L3MBTL4: variants seen among roughly 807,000 people sequenced by gnomAD.
L3MBTL4 encodes the protein lethal(3)malignant brain tumor-like protein 4.
Under a neutral mutation model 84.5 loss-of-function variants are expected in L3MBTL4, and 70 were observed. The ratio of observed to expected loss-of-function variants is 0.83; its 90% CI spans 0.68 to 1.01. L3MBTL4 has a LOEUF of 1.01. Among genes scored for constraint, L3MBTL4 ranks in the 50% least tolerant of loss-of-function variants. The pLI, the probability that L3MBTL4 is intolerant of heterozygous loss-of-function variation, is 0.00. For missense variants in L3MBTL4, 715 were observed against 754.8 expected (o/e 0.95, Z 0.62); for synonymous variants, 274 against 259.8 (o/e 1.05, Z -0.52).
intron 14 of L3MBTL4, among the ~76,000 whole-genome samples, chr18:6,095,328 C>T (rs2058596191): frequency 6.7e-6 from 1 of 148,378 alleles, no homozygotes; most frequent in African/African-American, 2.5e-5. Flanking sequence ...ACTAATCAGG[C>T]TGAAGAAGGG....
At chr18:6,221,312 G>A (rs1471303509) in intron 10 of L3MBTL4, among the ~76,000 whole-genome samples, 1 of 149,722 alleles carries the variant, frequency 6.7e-6, no homozygotes, top group African/African-American at 2.6e-5. Context: ...TGTATGACAA[G>A]CAGGTTTTAA....
At chr18:6,026,637 G>A (rs1044974837) in intron 16 of L3MBTL4, among the ~76,000 whole-genome samples, 6 of 152,188 alleles carry the variant, frequency 3.9e-5, no homozygotes, top group Non-Finnish European at 7.3e-5. Flanking sequence ...AAAATGTCAC[G>A]TGAGGATCAG....
intron 5 of L3MBTL4, among the ~76,000 whole-genome samples, chr18:6,262,453 C>A (rs965288398): frequency 9.2e-5 from 14 of 152,186 alleles, no homozygotes; most frequent in Non-Finnish European, 2.9e-5. Flanking sequence ...ATGGAAGAAA[C>A]CCCCTAAGTC....
rs750316079 is a variant in L3MBTL4 at position 6,215,724 on chromosome 18, A to G, written c.870+26T>C. On this transcript the variant is annotated intron_variant, in intron 11 of 18. Coordinates refer to ENST00000317931, the MANE Select transcript of L3MBTL4 (RefSeq NM_001330559.2). ...TCAATACAAACGTTGTTTAAAGGTG[A>G]GAGTTTGTACCCACATAGAACTTAC... 4 of 1,371,680 alleles carry G rather than the reference A, an allele frequency of 2.9e-6. No homozygotes were observed. In the South Asian group the frequency reaches 5.4e-5, roughly 18 times the overall value. 85.0% of individuals were successfully genotyped at this position (1,371,680 alleles called of 1,614,324 possible). A position where few individuals can be genotyped will look rare whatever the true frequency, so the allele number is the denominator to read the frequency against.
chr18:6,393,346 C>T (rs1289902022), intron 1 of L3MBTL4, among the ~76,000 whole-genome samples: 1 of 152,172 alleles, frequency 6.6e-6, no homozygotes, highest in Non-Finnish European at 1.5e-5. Flanking sequence ...TGAGTCCAGG[C>T]TCCTGGATTG....
intron 1 of L3MBTL4, among the ~76,000 whole-genome samples, chr18:6,354,019 C>T (rs1232669673): frequency 1.3e-5 from 2 of 152,096 alleles, no homozygotes; most frequent in African/African-American, 4.8e-5. Context: ...ATCATGTTAC[C>T]TGACTGCAAA....
chr18:6,331,508 G>A (rs1456329028), intron 1 of L3MBTL4, among the ~76,000 whole-genome samples: 1 of 152,158 alleles, frequency 6.6e-6, no homozygotes, highest in East Asian at 1.9e-4. Flanking sequence ...TAAGTTCTTG[G>A]ACTAAAACTA....
chr18:6,276,654 TAA>T (rs60947386), intron 4 of L3MBTL4, among the ~76,000 whole-genome samples: 3,446 of 125,108 alleles, frequency 0.028, 90 homozygotes, highest in African/African-American at 0.073. Context: ...AACAAAGCAT[TAA>T]AAAAAAAAAA....
At chr18:6,016,407 CA>C (rs1172774533) in intron 16 of L3MBTL4, among the ~76,000 whole-genome samples, 18 of 152,168 alleles carry the variant, frequency 1.2e-4, no homozygotes, top group Non-Finnish European at 1.5e-5. Flanking sequence ...TCTCTGAAAG[CA>C]ATCTGCAGGT....
At chr18:6,088,911 C>T (rs147174103) in intron 15 of L3MBTL4, among the ~76,000 whole-genome samples, 5 of 151,950 alleles carry the variant, frequency 3.3e-5, no homozygotes, top group Admixed American at 1.3e-4. Flanking sequence ...TCAAAAAGTG[C>T]GTGAAATTTA....
At chr18:5,977,345 A>T (rs1270605480) in intron 16 of L3MBTL4, among the ~76,000 whole-genome samples, 1 of 152,124 alleles carries the variant, frequency 6.6e-6, no homozygotes, top group Non-Finnish European at 1.5e-5. Flanking sequence ...TCACCTCTGC[A>T]CATCTCTGTC....
chr18:6,372,127 C>A (rs905238445), intron 1 of L3MBTL4, among the ~76,000 whole-genome samples: 14 of 152,206 alleles, frequency 9.2e-5, no homozygotes, highest in African/African-American at 3.4e-4. Context: ...GAGTTAACTT[C>A]TTTCCTCCTT....
chr18:6,194,412 C>A (rs1483404810), intron 12 of L3MBTL4, among the ~76,000 whole-genome samples: 1 of 152,166 alleles, frequency 6.6e-6, no homozygotes, highest in Non-Finnish European at 1.5e-5. Flanking sequence ...CTAAATGCCA[C>A]CATCACAGCC....
rs879320759 is a variant in L3MBTL4, at chr18:6,071,803, A to AAG, written c.1444+9077_1444+9078insCT. 3.6e-3 allele frequency among the ~76,000 whole-genome samples: 435 copies of AAG among 119,390 alleles called. 5 individuals carry two copies. The highest frequency in any genetic ancestry group is 8.4e-3 in the Admixed American group (101 of 11,992). 78.3% of individuals were successfully genotyped at this position (119,390 alleles called of 152,430 possible). On this transcript the variant is annotated intron_variant, in intron 16 of 18. Transcript: ENST00000317931. ...AAAGAAAGAAAGAAAGAAAGAAAGA[A>AAG]AAAGAAAGAAAGGAAAGAAAGAAAG...
intron 16 of L3MBTL4, among the ~76,000 whole-genome samples, chr18:6,013,945 T>C (rs1567983337): frequency 6.6e-6 from 1 of 152,208 alleles, no homozygotes; most frequent in Non-Finnish European, 1.5e-5. Context: ...GTCACTCCGT[T>C]TTCTCATAGC....
At chr18:6,388,999 A>C (rs456005) in intron 1 of L3MBTL4, among the ~76,000 whole-genome samples, 78,128 of 151,622 alleles carry the variant, frequency 0.52, 20,145 homozygotes, top group East Asian at 0.59. Context: ...GAAAGTCAGG[A>C]AGGAAACTAT....
chr18:6,392,685 T>C (rs962198221), intron 1 of L3MBTL4, among the ~76,000 whole-genome samples: 2 of 152,224 alleles, frequency 1.3e-5, no homozygotes, highest in African/African-American at 4.8e-5. Flanking sequence ...CAAAAAATTC[T>C]AGAAGATAAC....
At chr18:6,344,411 A>T (rs990691191) in intron 1 of L3MBTL4, among the ~76,000 whole-genome samples, 6 of 152,228 alleles carry the variant, frequency 3.9e-5, no homozygotes, top group Non-Finnish European at 8.8e-5. Flanking sequence ...CTTCCCAATA[A>T]AGAAAGCCCA....
At chr18:6,087,310 G>A (rs1268743272) in intron 15 of L3MBTL4, among the ~76,000 whole-genome samples, 1 of 152,184 alleles carries the variant, frequency 6.6e-6, no homozygotes, top group African/African-American at 2.4e-5. Flanking sequence ...GAACAGTGAG[G>A]AGAGCAATGA....
Sources: allele counts gnomAD v4.1 joint callset (sites outside exome capture counted in the v4.1 genomes callset), GRCh38; gene constraint gnomAD v4.1.1; transcripts MANE v1.5; gene names NCBI Gene and HGNC (gene_info 2026-07-23, HGNC 2026-07-21).